DLGAP2: variants seen among roughly 807,000 people sequenced by gnomAD.
DLGAP2 encodes the protein DLG associated protein 2.
DLGAP2 carries 26 observed loss-of-function variants against 100.3 expected under a neutral mutation model. The observed-to-expected ratio is 0.26, with a 90% confidence interval of 0.19 to 0.36. DLGAP2 has a LOEUF of 0.36. Ranked by LOEUF, DLGAP2 falls within the 10% of genes least tolerant of loss-of-function variation. DLGAP2 has a pLI of 1.00. For missense variants in DLGAP2, 1,858 were observed against 1,453.2 expected (o/e 1.28, Z -4.53); for synonymous variants, 886 against 630.1 (o/e 1.41, Z -6.08).
At chr8:799,234 G>A (rs1303471629) in intron 1 of DLGAP2, among the ~76,000 whole-genome samples, 1 of 152,080 alleles carries the variant, frequency 6.6e-6, no homozygotes, top group African/African-American at 2.4e-5. Flanking sequence ...TCCTTCCCTC[G>A]TCAGCACCGT....
intron 3 of DLGAP2, among the ~76,000 whole-genome samples, chr8:1,277,740 G>T (rs770470889): frequency 6.6e-6 from 1 of 152,130 alleles, no homozygotes; most frequent in Non-Finnish European, 1.5e-5. Context: ...GCATACCCAC[G>T]TCAGGGAGCA....
At chr8:1,320,840 C>T (rs1033694762) in intron 3 of DLGAP2, among the ~76,000 whole-genome samples, 5 of 152,148 alleles carry the variant, frequency 3.3e-5, no homozygotes, top group African/African-American at 1.2e-4. Flanking sequence ...TCTGTGTGTG[C>T]ACGTGTGTTT....
intron 2 of DLGAP2, among the ~76,000 whole-genome samples, chr8:1,082,286 G>T (rs1803837801): frequency 6.6e-6 from 1 of 152,150 alleles, no homozygotes; most frequent in Admixed American, 6.5e-5. Context: ...GCAAAAACAG[G>T]AAAAATCTTT....
intron 2 of DLGAP2, among the ~76,000 whole-genome samples, chr8:1,185,727 TCACACTCACACACA>T (rs1314652376): frequency 1.4e-3 from 62 of 43,730 alleles, no homozygotes; most frequent in East Asian, 4.5e-3. Context: ...ACACACACAC[TCACACTCACACACA>T]CACACTCACA....
At chr8:1,336,021 T>C (rs991410257) in intron 3 of DLGAP2, among the ~76,000 whole-genome samples, 3 of 152,172 alleles carry the variant, frequency 2.0e-5, no homozygotes, top group Non-Finnish European at 4.4e-5. Flanking sequence ...CATCACAATA[T>C]AAAGAAACTC....
At chr8:1,190,920 C>G (rs887865137) in intron 2 of DLGAP2, among the ~76,000 whole-genome samples, 1 of 152,092 alleles carries the variant, frequency 6.6e-6, no homozygotes, top group Non-Finnish European at 1.5e-5. Context: ...CATGCTTCTC[C>G]TATGGAAGCC....
chr8:1,582,241 A>T (rs1191297389), intron 6 of DLGAP2, among the ~76,000 whole-genome samples: 1 of 140,260 alleles, frequency 7.1e-6, no homozygotes, highest in Non-Finnish European at 1.5e-5. Context: ...GAAGTGAAGG[A>T]TACAGACAAG....
At chr8:916,375 T>C (rs1376575430) in intron 2 of DLGAP2, among the ~76,000 whole-genome samples, 1 of 152,216 alleles carries the variant, frequency 6.6e-6, no homozygotes, top group Non-Finnish European at 1.5e-5. Context: ...TTGTCCTTTT[T>C]AGGGACGTGG....
chr8:1,444,292 C>T (rs1797920685), intron 3 of DLGAP2, among the ~76,000 whole-genome samples: 1 of 152,200 alleles, frequency 6.6e-6, no homozygotes, highest in Non-Finnish European at 1.5e-5. Context: ...ATATAATTTG[C>T]TTAACCAACT....
chr8:1,679,006 A>C (rs1490119951), intron 12 of DLGAP2: 2 of 187,278 alleles, frequency 1.1e-5, no homozygotes, highest in Admixed American at 6.1e-5. Flanking sequence ...CATGCTTTAC[A>C]AGAAAATGCC....
At chr8:1,150,507 C>T (rs946672232) in intron 2 of DLGAP2, among the ~76,000 whole-genome samples, 2 of 152,158 alleles carry the variant, frequency 1.3e-5, no homozygotes, top group African/African-American at 4.8e-5. Context: ...AGGACTGTGC[C>T]AGATTTGTCT....
rs373748676 is a variant in DLGAP2 at position 1,173,615 on chromosome 8, C to T, written c.74-85236C>T. Among the ~76,000 whole-genome samples, 293 of 152,264 alleles carry T rather than the reference C, an allele frequency of 1.9e-3. 3 individuals carry two copies. The highest frequency in any genetic ancestry group is 2.3e-3 in the Non-Finnish European group (157 of 68,018). ...GGCGCCCCTCCCCCAGCCTCCCTGCCGCCTAGTTTGATCTTAGACTGCTGT... is the reference window on the plus strand; with the variant it reads ...GGCGCCCCTCCCCCAGCCTCCCTGCTGCCTAGTTTGATCTTAGACTGCTGT... On this transcript the variant is annotated intron_variant, in intron 2 of 14. Coordinates refer to ENST00000637795, the MANE Select transcript of DLGAP2 (RefSeq NM_001346810.2).
chr8:1,685,057 G>A (rs929199576), intron 12 of DLGAP2, among the ~76,000 whole-genome samples: 1 of 152,118 alleles, frequency 6.6e-6, no homozygotes, highest in Non-Finnish European at 1.5e-5. Context: ...CAGCCAGAAT[G>A]ACCACAAGTC....
At chr8:1,356,421 A>C (rs1053003963) in intron 3 of DLGAP2, among the ~76,000 whole-genome samples, 2 of 152,212 alleles carry the variant, frequency 1.3e-5, no homozygotes, top group African/African-American at 4.8e-5. Flanking sequence ...GTGAAACCAC[A>C]AGCGCTTTCA....
chr8:1,674,787 C>A (rs537346610), intron 10 of DLGAP2, among the ~76,000 whole-genome samples: 1 of 152,276 alleles, frequency 6.6e-6, no homozygotes, highest in South Asian at 2.1e-4. Context: ...AACCAAATTT[C>A]CCCTGCACTG....
chr8:861,360 G>A (rs1797386605), intron 1 of DLGAP2, among the ~76,000 whole-genome samples: 1 of 152,102 alleles, frequency 6.6e-6, no homozygotes, highest in Admixed American at 6.5e-5. Flanking sequence ...ACGGGGTCCT[G>A]GAACCCCTCC....
intron 2 of DLGAP2, among the ~76,000 whole-genome samples, chr8:990,361 C>CCAGACTCCCTGCACCCCCATACT (rs1563131866): frequency 8.1e-6 from 1 of 124,162 alleles, no homozygotes; most frequent in Non-Finnish European, 1.8e-5. Context: ...CCCTCCTTGC[C>CCAGACTCCCTGCACCCCCATACT]CGGACCCCCT....
chr8:922,506 T>G (rs1001988351), intron 2 of DLGAP2, among the ~76,000 whole-genome samples: 1 of 152,226 alleles, frequency 6.6e-6, no homozygotes, highest in African/African-American at 2.4e-5. Flanking sequence ...ATGACTTACT[T>G]CATCTTTGAT....
At chr8:1,381,925 C>A (rs1010860264) in intron 3 of DLGAP2, among the ~76,000 whole-genome samples, 1 of 151,694 alleles carries the variant, frequency 6.6e-6, no homozygotes, top group African/African-American at 2.4e-5. Flanking sequence ...TTGTCTGAAC[C>A]CCAGCACCAA....
Sources: gnomAD v4.1 joint callset for allele counts (sites outside exome capture counted in the v4.1 genomes callset) on GRCh38, gnomAD v4.1.1 for gene constraint, MANE v1.5 for transcripts, NCBI Gene and HGNC (gene_info 2026-07-23, HGNC 2026-07-21) for gene names.